Variants in NCOA3 observed in about 807,000 individuals in gnomAD.
NCOA3 encodes the protein nuclear receptor coactivator 3, also known as CBP-interacting protein.
In NCOA3, 51 loss-of-function variants were observed where a neutral mutation model predicts 158.8. That is an observed-to-expected ratio of 0.32 (90% CI 0.26 to 0.41). NCOA3 has a LOEUF of 0.41. NCOA3 is among the 10% of genes least tolerant of loss of function. NCOA3 has a pLI of 1.00. For synonymous variants in NCOA3, 537 were observed against 592.4 expected (o/e 0.91, Z 1.36); for missense variants, 1,510 against 1,746.6 (o/e 0.86, Z 2.41).
At chr20:47,535,884 G>A (rs1372008251) in intron 1 of NCOA3, among the ~76,000 whole-genome samples, 1 of 152,066 alleles carries the variant, frequency 6.6e-6, no homozygotes, top group East Asian at 1.9e-4. Flanking sequence ...GAGAGGGAAG[G>A]TGATCTTCCC....
At chr20:47,537,755 A>G (rs1327917797) in intron 1 of NCOA3, among the ~76,000 whole-genome samples, 1 of 151,236 alleles carries the variant, frequency 6.6e-6, no homozygotes, top group Non-Finnish European at 1.5e-5. Context: ...AATTTTTTCT[A>G]CTTTTAGTAG....
chr20:47,556,548 G>A (rs1302779240), intron 1 of NCOA3, among the ~76,000 whole-genome samples: 1 of 151,856 alleles, frequency 6.6e-6, no homozygotes, highest in Non-Finnish European at 1.5e-5. Context: ...TTTGAGATGG[G>A]GTCTCACTCT....
chr20:47,612,272 ATTT>A lies in NCOA3; in HGVS notation c.-19-9956_-19-9954del, dbSNP rs561411268. 6.5e-3 allele frequency among the ~76,000 whole-genome samples: 988 copies of A among 152,196 alleles called. 6 individuals are homozygous for A. Among genetic ancestry groups the A allele is most frequent in the Admixed American group, 8.4e-3 (129 of 15,290 alleles). ...AGGAATGGTGGTAGTTAAAAAAAAA[ATTT>A]GTAAAAAATAGAGTTACATACAAGT... On this transcript the variant is annotated intron_variant, in intron 2 of 22. Transcript: ENST00000371998.
At chr20:47,648,585 A>G (rs2086729737) in intron 18 of NCOA3, among the ~76,000 whole-genome samples, 1 of 151,884 alleles carries the variant, frequency 6.6e-6, no homozygotes, top group African/African-American at 2.4e-5. Context: ...TGATCATTCC[A>G]CCTCAGCCTC....
chr20:47,609,462 GTTT>G (rs1405363996), intron 2 of NCOA3, among the ~76,000 whole-genome samples: 5 of 152,162 alleles, frequency 3.3e-5, no homozygotes, highest in Non-Finnish European at 1.5e-5. Flanking sequence ...GGATAGGCAG[GTTT>G]TGTGAAGTAC....
chr20:47,629,895 A>T (rs146662368), intron 8 of NCOA3, among the ~76,000 whole-genome samples: 32 of 152,346 alleles, frequency 2.1e-4, no homozygotes, highest in Admixed American at 9.8e-4. Context: ...CATGTTTATT[A>T]TAAAAGTTAG....
chr20:47,601,101 G>A (rs1202924804), intron 2 of NCOA3, among the ~76,000 whole-genome samples: 1 of 152,188 alleles, frequency 6.6e-6, no homozygotes, highest in East Asian at 1.9e-4. Context: ...CTGGAAGCTG[G>A]GAAGTCTGAG....
chr20:47,588,848 A>G (rs1027696863), intron 2 of NCOA3, among the ~76,000 whole-genome samples: 3 of 152,094 alleles, frequency 2.0e-5, no homozygotes, highest in African/African-American at 7.2e-5. Flanking sequence ...TTTCCCATTC[A>G]TTTATTTTAA....
intron 1 of NCOA3, among the ~76,000 whole-genome samples, chr20:47,570,400 A>G (rs1158350819): frequency 6.6e-6 from 1 of 152,202 alleles, no homozygotes; most frequent in African/African-American, 2.4e-5. Flanking sequence ...GTGGTACGCC[A>G]CTGCATTTCA....
At chr20:47,642,444 ATT>A in intron 17 of NCOA3, 60 bp downstream of exon 17, 1 of 1,221,814 alleles carries the variant, frequency 8.2e-7, no homozygotes, top group Non-Finnish European at 1.1e-6. Flanking sequence ...GCGCGTACAC[ATT>A]CATGAAGCCA....
intron 1 of NCOA3, among the ~76,000 whole-genome samples, chr20:47,558,377 G>A (rs922229496): frequency 3.3e-5 from 5 of 150,826 alleles, no homozygotes; most frequent in African/African-American, 7.3e-5. Flanking sequence ...CCACCGCGCC[G>A]GCCTAAATTT....
At chr20:47,616,993 C>T (rs2086150185) in intron 2 of NCOA3, among the ~76,000 whole-genome samples, 2 of 152,066 alleles carry the variant, frequency 1.3e-5, no homozygotes, top group Admixed American at 1.3e-4. Flanking sequence ...CTCACTCTGT[C>T]ATCCAGGCTG....
At chr20:47,562,559 G>C (rs1324835412) in intron 1 of NCOA3, among the ~76,000 whole-genome samples, 1 of 150,072 alleles carries the variant, frequency 6.7e-6, no homozygotes, top group South Asian at 2.1e-4. Flanking sequence ...TTTAATTTGT[G>C]TTGGCAAATG....
At chr20:47,506,723 T>C (rs1315126812) in intron 1 of NCOA3, among the ~76,000 whole-genome samples, 1 of 152,236 alleles carries the variant, frequency 6.6e-6, no homozygotes, top group African/African-American at 2.4e-5. Flanking sequence ...GACTAGTGTC[T>C]ATTTTGTTTG....
At chr20:47,646,914 T>C (rs2086694308) in intron 17 of NCOA3, among the ~76,000 whole-genome samples, 159 bp from the exon 18 acceptor site, 1 of 152,240 alleles carries the variant, frequency 6.6e-6, no homozygotes. Flanking sequence ...TTATTTTGAA[T>C]GTATCCTTAG....
chr20:47,580,595 A>C (rs1602432953), intron 1 of NCOA3, among the ~76,000 whole-genome samples: 2 of 133,484 alleles, frequency 1.5e-5, no homozygotes, highest in Admixed American at 8.2e-5. Flanking sequence ...TCCTTATCCC[A>C]CCTCTTTTGT....
intron 1 of NCOA3, among the ~76,000 whole-genome samples, chr20:47,518,107 G>C (rs2084264261): frequency 6.6e-6 from 1 of 152,008 alleles, no homozygotes; most frequent in Non-Finnish European, 1.5e-5. Flanking sequence ...AATACTCTGG[G>C]AGGTCGAGGT....
intron 1 of NCOA3, among the ~76,000 whole-genome samples, chr20:47,559,932 G>A (rs1195312406): frequency 1.3e-5 from 2 of 151,778 alleles, no homozygotes; most frequent in Non-Finnish European, 2.9e-5. Context: ...GATTACAGGC[G>A]TGAGCCACTG....
intron 1 of NCOA3, among the ~76,000 whole-genome samples, chr20:47,503,778 C>T (rs1410009440): frequency 1.3e-5 from 2 of 152,162 alleles, no homozygotes; most frequent in African/African-American, 4.8e-5. Context: ...AATGAATCCT[C>T]TGCTTGTAAC....
Sources: gnomAD v4.1 joint callset for allele counts (sites outside exome capture counted in the v4.1 genomes callset) on GRCh38, gnomAD v4.1.1 for gene constraint, MANE v1.5 for transcripts, NCBI Gene and HGNC (gene_info 2026-07-23, HGNC 2026-07-21) for gene names.